Variants in PHRF1 observed in about 807,000 individuals in gnomAD.
The protein encoded by PHRF1 is PHD and ring finger domains 1, also known as PHD and RING finger domain-containing protein 1.
Under a neutral mutation model 128.9 loss-of-function variants are expected in PHRF1, and 53 were observed. That is an observed-to-expected ratio of 0.41 (90% CI 0.33 to 0.52). PHRF1 has a LOEUF of 0.52. Among genes scored for constraint, PHRF1 ranks in the 20% least tolerant of loss-of-function variants. The pLI, the probability that PHRF1 is intolerant of heterozygous loss-of-function variation, is 0.21. For missense variants in PHRF1, 2,503 were observed against 2,284.5 expected, an observed-to-expected ratio of 1.10 and a Z score of -1.95; for synonymous variants, 1,178 against 980.6, an observed-to-expected ratio of 1.20 and a Z score of -3.76.
At chr11:595,339 C>T (rs746397946) in intron 6 of PHRF1, among the ~76,000 whole-genome samples, 1 of 152,200 alleles carries the variant, frequency 6.6e-6, no homozygotes, top group East Asian at 1.9e-4. Flanking sequence ...TGTAGATACA[C>T]TGACATTACA....
chr11:588,678 C>CATTTTT (rs1554904336), intron 4 of PHRF1, among the ~76,000 whole-genome samples: 1 of 152,056 alleles, frequency 6.6e-6, no homozygotes, highest in Non-Finnish European at 1.5e-5. Context: ...CACGCCCGGC[C>CATTTTT]ATTTTTATTT....
Position 607,615 on chromosome 11 carries a change from C to T in PHRF1, c.2159C>T (p.Thr720Ile), listed in dbSNP as rs1171293425. 1 of 1,612,206 alleles carries T rather than the reference C, an allele frequency of 6.2e-7. No individual in the cohort carries two copies. The highest frequency in any genetic ancestry group is 8.5e-7 in the Non-Finnish European group (1 of 1,179,758). The stretch of plus-strand genomic sequence containing the variant: ...AGCCGACTGACTGGCAGGGAGGGCA[C>T]CGGGCAGCCAGGGCGAGGCACACGG... ...CISRLTGREG[T>I]GQPGRGTRAE... The change falls in exon 14 of 18, where the codon ACC becomes ATC. Residue 720 changes from threonine (T) to isoleucine (I), a missense_variant. Coordinates refer to ENST00000264555, the MANE Select transcript of PHRF1 (RefSeq NM_001286581.2).
chr11:587,466 T>C lies in PHRF1; in HGVS notation c.420+2T>C, dbSNP rs1357465112. ...GACTGCATTGTCGAATGGTCCAAGG[T>C]GAGTTCACCTCTGGTTGGGTGCTTC... On this transcript the variant is annotated splice_donor_variant, in intron 4 of 17. Coordinates refer to ENST00000264555, the MANE Select transcript of PHRF1 (RefSeq NM_001286581.2). LOFTEE classifies it high-confidence loss of function. 1.9e-6 allele frequency: 3 copies of C among 1,612,818 alleles called. No individual in the cohort carries two copies. Among genetic ancestry groups the C allele is most frequent in the Non-Finnish European group, 2.5e-6 (3 of 1,179,810 alleles).
chr11:608,926 A>G lies in PHRF1; in HGVS notation c.3470A>G (p.Asp1157Gly), dbSNP rs546146641. 5.0e-6 allele frequency: 8 copies of G among 1,611,670 alleles called. No homozygotes were observed. The East Asian group carries it at 1.6e-4, about 31-fold the overall frequency. ...AAGGAGAGTGTGGCGTGGCCCCGAG[A>G]CCGGAGGAAGCGGAGGTCCCGGTCC... is the stretch of plus-strand genomic sequence containing the variant. ...DRKESVAWPR[D>G]RRKRRSRSPS... Residue 1157 changes from aspartate to glycine, a missense_variant, in exon 14 of 18, where the codon GAC becomes GGC. By Grantham distance (94) the Asp-to-Gly change is moderately conservative. Coordinates refer to ENST00000264555, the MANE Select transcript of PHRF1 (RefSeq NM_001286581.2).
chr11:583,008 T>C (rs959807686), intron 3 of PHRF1, among the ~76,000 whole-genome samples: 1 of 147,602 alleles, frequency 6.8e-6, no homozygotes, highest in Admixed American at 6.9e-5. Context: ...TACTCCAGCC[T>C]GAGCGACAGA....
intron 5 of PHRF1, 106 bp from the exon 6 acceptor site, chr11:592,453 T>C (rs1346707049): frequency 2.6e-6 from 3 of 1,134,660 alleles, no homozygotes; most frequent in Middle Eastern, 2.0e-4. Context: ...AGCCCAAATA[T>C]GAATCTAAGG....
In PHRF1 at chr11:607,658, C is replaced by T. The variant is rs1856036351; in HGVS notation, c.2202C>T (p.Ser734=). 1 of 1,610,492 alleles carries T rather than the reference C, an allele frequency of 6.2e-7. No individual in the cohort carries two copies. Among genetic ancestry groups the T allele is most frequent in the Non-Finnish European group, 8.5e-7 (1 of 1,178,644 alleles). Residue 734 remains serine (S), a synonymous_variant, in exon 14 of 18, where the codon AGC becomes AGT. Transcript: ENST00000264555. The part of the protein sequence containing the change: ...GRGTRAESEA[S]SRVPREPGVH... ...GCACACGGGCAGAGAGCGAGGCCAG[C>T]AGCAGGGTGCCCCGGGAGCCCGGGG...
chr11:579,254 C>CTCCCCCCAACCCTGCTTT (rs1854069189), intron 1 of PHRF1, among the ~76,000 whole-genome samples: 1 of 149,430 alleles, frequency 6.7e-6, no homozygotes, highest in African/African-American at 2.5e-5. Flanking sequence ...AGCCCTGCTC[C>CTCCCCCCAACCCTGCTTT]TCCCCCCAGC....
In PHRF1 at chr11:611,734, C is replaced by T. The variant is rs560448540; in HGVS notation, c.4907C>T (p.Pro1636Leu). The T allele has an allele frequency of 6.2e-5, 100 of 1,612,538 alleles. No homozygotes were observed. In the South Asian group the frequency reaches 8.7e-4, roughly 14 times the overall value. ...KYRHMRRHKK[P>L]EAGEEPPTQG... is the part of the protein sequence containing the mutation. ...AGGCACATGCGCAGGCACAAGAAAC[C>T]AGAGGCCGGGGAGGAGCCGCCCACG... Residue 1636 changes from proline (P) to leucine (L), a missense_variant, in exon 18 of 18, where the codon CCA (proline) becomes CTA (leucine). Transcript: ENST00000264555.
rs1856119382 is a variant in PHRF1 at position 608,615 on chromosome 11, G to T, written c.3159G>T (p.Arg1053=). The T allele has an allele frequency of 6.2e-6, 10 of 1,612,236 alleles. No homozygotes were observed. In the East Asian group the frequency reaches 2.2e-4, roughly 36 times the overall value. The change falls in exon 14 of 18, where the codon CGG becomes CGT. Residue 1053 remains arginine, a synonymous_variant. Transcript: ENST00000264555. ...RRQRSKAKSR[R]SSSDRSSSRE... is the part of the protein sequence containing the mutation. Reference sequence around the variant, plus strand: ...AGCGGTCCAAGGCCAAGAGCCGGCGGTCCTCCAGTGACCGCTCCAGCAGCC... The same window carrying T: ...AGCGGTCCAAGGCCAAGAGCCGGCGTTCCTCCAGTGACCGCTCCAGCAGCC...
intron 10 of PHRF1, 101 bp from the exon 11 acceptor site, chr11:605,018 T>G: frequency 8.3e-7 from 1 of 1,202,636 alleles, no homozygotes; most frequent in South Asian, 1.5e-5. Flanking sequence ...CCGGCTCTAG[T>G]GTTCACTGTT....
At chr11:606,296 G>GCAGC in intron 12 of PHRF1, 146 bp from the exon 13 acceptor site, 1 of 1,104,640 alleles carries the variant, frequency 9.1e-7, no homozygotes, top group South Asian at 1.7e-5. Context: ...TCTTAGAACA[G>GCAGC]CAGCCGGAGC....
At chr11:584,470 G>A (rs1854404978) in intron 3 of PHRF1, among the ~76,000 whole-genome samples, 1 of 152,170 alleles carries the variant, frequency 6.6e-6, no homozygotes, top group Non-Finnish European at 1.5e-5. Flanking sequence ...GACACTGAGA[G>A]CTGTGGGCGT....
chr11:609,769 G>GGT (rs1856242549), intron 14 of PHRF1, 49 bp downstream of exon 14: 1 of 1,304,488 alleles, frequency 7.7e-7, no homozygotes, highest in African/African-American at 1.6e-5. Flanking sequence ...CAGTGAGTAA[G>GGT]GCCCTGGCCC....
At chr11:610,174 T>C in intron 14 of PHRF1, 22 bp from the exon 15 acceptor site, 8 of 1,485,504 alleles carry the variant, frequency 5.4e-6, no homozygotes, top group Non-Finnish European at 6.3e-6. Flanking sequence ...AGCACCCACC[T>C]CCCTGTCTGT....
At chr11:609,834 GC>G in intron 14 of PHRF1, 114 bp downstream of exon 14, 1 of 718,302 alleles carries the variant, frequency 1.4e-6, no homozygotes, top group East Asian at 2.8e-5. Context: ...CGAGGACAGA[GC>G]CCCCCGTGAG....
Position 608,966 on chromosome 11 carries a change from CAG to C in PHRF1, c.3511_3512del (p.Arg1171GlyfsTer11). 6.2e-7 allele frequency: 1 copy of C among 1,610,470 alleles called. No homozygotes were observed. The highest frequency in any genetic ancestry group is 8.5e-7 in the Non-Finnish European group (1 of 1,179,128). On this transcript the variant is annotated frameshift_variant, in exon 14 of 18. Transcript: ENST00000264555. LOFTEE classifies it high-confidence loss of function. ...RRSRSPSSEHRAREHRRPRSR... is the reference protein window; with the variant it reads ...RRSRSPSSEHXAREHRRPRSR... ...GGTCCCGGTCCCCAAGCTCGGAGCA[CAG>C]GGCACGGGAGCACAGGCGGCCTCGG...
intron 6 of PHRF1, among the ~76,000 whole-genome samples, chr11:595,997 C>T (rs1267728971): frequency 1.3e-5 from 2 of 152,178 alleles, no homozygotes; most frequent in Non-Finnish European, 2.9e-5. Flanking sequence ...TAGCAAGGGC[C>T]ACACAGCAGA....
At chr11:584,146 G>A (rs577477209) in intron 3 of PHRF1, among the ~76,000 whole-genome samples, 24 of 152,344 alleles carry the variant, frequency 1.6e-4, no homozygotes, top group Admixed American at 3.3e-4. Context: ...AGCTCTGCAC[G>A]TGCTCTGCGG....
Sources: allele counts gnomAD v4.1 joint callset (sites outside exome capture counted in the v4.1 genomes callset), GRCh38; gene constraint gnomAD v4.1.1; transcripts MANE v1.5; gene names NCBI Gene and HGNC (gene_info 2026-07-23, HGNC 2026-07-21).